The following EFHC1 variants were observed in gnomAD, a reference collection of about 807,000 sequenced individuals.
The protein encoded by EFHC1 is EF-hand domain-containing protein 1.
Under a neutral mutation model 69.9 loss-of-function variants are expected in EFHC1, and 53 were observed. The ratio of observed to expected loss-of-function variants is 0.76; its 90% CI spans 0.61 to 0.95. The LOEUF is 0.95. Ranked by LOEUF, EFHC1 falls within the 40% of genes least tolerant of loss-of-function variation. The probability of loss-of-function intolerance (pLI) is 0.00; values close to 1 mark genes in which losing one functional copy is unlikely to be tolerated. For missense variants in EFHC1, 739 were observed against 798.7 expected (o/e 0.93, Z 0.90); for synonymous variants, 256 against 278.4 (o/e 0.92, Z 0.80).
At chr6:52,465,300 A>G (rs950692672) in intron 6 of EFHC1, among the ~76,000 whole-genome samples, 185 bp downstream of exon 6, 4 of 152,206 alleles carry the variant, frequency 2.6e-5, no homozygotes, top group Non-Finnish European at 5.9e-5. Context: ...CTAACTGATA[A>G]TCAGTGAAAT....
chr6:52,459,921 G>T (rs899869508), intron 5 of EFHC1, among the ~76,000 whole-genome samples: 1 of 152,072 alleles, frequency 6.6e-6, no homozygotes, highest in Non-Finnish European at 1.5e-5. Context: ...TGATCCACCC[G>T]CCTCGGCCTC....
chr6:52,440,444 C>T (rs1222334183), intron 3 of EFHC1, among the ~76,000 whole-genome samples: 1 of 151,902 alleles, frequency 6.6e-6, no homozygotes, highest in Non-Finnish European at 1.5e-5. Flanking sequence ...AAATCACCAA[C>T]AAAAAACACA....
At chr6:52,423,902 A>G in intron 1 of EFHC1, 44 bp from the exon 2 acceptor site, 1 of 1,612,312 alleles carries the variant, frequency 6.2e-7, no homozygotes, top group Non-Finnish European at 8.5e-7. Flanking sequence ...TACCTAACAA[A>G]TATTTGTCTA....
chr6:52,434,479 G>A (rs80097780), intron 2 of EFHC1, among the ~76,000 whole-genome samples: 6,467 of 152,248 alleles, frequency 0.042, 240 homozygotes, highest in East Asian at 0.14. Flanking sequence ...TGTGTTCGGG[G>A]ACAGATGATC....
intron 3 of EFHC1, among the ~76,000 whole-genome samples, chr6:52,445,065 G>GTT (rs60349597): frequency 2.7e-4 from 38 of 139,958 alleles, no homozygotes; most frequent in African/African-American, 6.7e-4. Flanking sequence ...AGATTTTCCA[G>GTT]TTTTTTTTTT....
chr6:52,494,282 C>T lies in EFHC1; in HGVS notation c.*1941C>T. On this transcript the variant is annotated 3_prime_UTR_variant, in exon 11 of 11. Transcript: ENST00000371068. ...TTTTTTCAGCTTAAAAATTACCAAG[C>T]TCTATCCTACTTGGCCCAGCTCAGT... 1 of 454,136 alleles carries T rather than the reference C, an allele frequency of 2.2e-6. No homozygotes were observed. The highest frequency in any genetic ancestry group is 1.6e-5 in the South Asian group (1 of 64,484). The allele number at this position is 454,136 out of a possible 1,614,324, so 28.1% of individuals were successfully genotyped here.
intron 1 of EFHC1, chr6:52,421,188 T>C: frequency 2.8e-6 from 1 of 361,512 alleles, no homozygotes; most frequent in Non-Finnish European, 3.9e-6. Context: ...TTGCGGGTTT[T>C]CCCCAAAACT....
At chr6:52,460,970 A>G (rs193241814) in intron 5 of EFHC1, among the ~76,000 whole-genome samples, 4 of 152,352 alleles carry the variant, frequency 2.6e-5, no homozygotes, top group Non-Finnish European at 4.4e-5. Context: ...TAAAAGAACA[A>G]TATTGAATTT....
chr6:52,458,795 T>C (rs1765099512), intron 5 of EFHC1, among the ~76,000 whole-genome samples: 1 of 152,220 alleles, frequency 6.6e-6, no homozygotes, highest in Non-Finnish European at 1.5e-5. Context: ...ATCCAAAAGA[T>C]ACTTGTATTC....
intron 3 of EFHC1, among the ~76,000 whole-genome samples, chr6:52,442,243 T>C (rs148408805): frequency 2.8e-4 from 42 of 152,280 alleles, no homozygotes; most frequent in Non-Finnish European, 4.7e-4. Flanking sequence ...GGGTTTTTCA[T>C]AGATGGCTCT....
intron 5 of EFHC1, among the ~76,000 whole-genome samples, chr6:52,461,064 A>G (rs1581835658): frequency 6.6e-6 from 1 of 152,254 alleles, no homozygotes; most frequent in East Asian, 1.9e-4. Flanking sequence ...ATATATAACA[A>G]GTTTTGAAAA....
At chr6:52,443,315 G>T (rs1015863744) in intron 3 of EFHC1, among the ~76,000 whole-genome samples, 10 of 152,122 alleles carry the variant, frequency 6.6e-5, no homozygotes, top group African/African-American at 2.4e-4. Context: ...GTCAATTTTG[G>T]CTTTTGTTGC....
chr6:52,452,561 C>A, intron 3 of EFHC1, 127 bp from the exon 4 acceptor site: 1 of 1,090,364 alleles, frequency 9.2e-7, no homozygotes, highest in Non-Finnish European at 1.4e-6. Flanking sequence ...CTCAGCCTCC[C>A]AAAGTGCTGA....
rs1283174815 is a variant in EFHC1 at position 52,495,341 on chromosome 6, C to T, written c.*3000C>T. On this transcript the variant is annotated 3_prime_UTR_variant, in exon 11 of 11. Coordinates refer to ENST00000371068, the MANE Select transcript of EFHC1 (RefSeq NM_018100.4). ...TTAAAGTATACCCTCACTTAGCTTG[C>T]AGACCCAAGGCACTCCAGCCCCTTT... The T allele has an allele frequency of 6.6e-6, 3 of 454,154 alleles. No individual in the cohort carries two copies. The Admixed American group carries it at 7.0e-5, about 11-fold the overall frequency. 28.1% of individuals were successfully genotyped at this position (454,154 alleles called of 1,614,324 possible).
chr6:52,456,195 C>G (rs1343349762), intron 5 of EFHC1, among the ~76,000 whole-genome samples: 2 of 152,062 alleles, frequency 1.3e-5, no homozygotes, highest in Non-Finnish European at 2.9e-5. Context: ...CTTGTATTCT[C>G]AAATAGAAAC....
At chr6:52,431,686 G>A (rs1764417921) in intron 2 of EFHC1, among the ~76,000 whole-genome samples, 1 of 152,092 alleles carries the variant, frequency 6.6e-6, no homozygotes, top group Non-Finnish European at 1.5e-5. Context: ...GCGGTTGTTG[G>A]GTAGAATGTT....
intron 2 of EFHC1, among the ~76,000 whole-genome samples, chr6:52,431,740 T>G (rs373696767): frequency 3.3e-5 from 5 of 152,178 alleles, no homozygotes; most frequent in South Asian, 2.1e-4. Flanking sequence ...ATAGTTTAAA[T>G]CCATTGTTTC....
intron 5 of EFHC1, among the ~76,000 whole-genome samples, chr6:52,456,805 C>T (rs1408149804): frequency 6.6e-6 from 1 of 152,128 alleles, no homozygotes; most frequent in Non-Finnish European, 1.5e-5. Context: ...GTCCCAGCTA[C>T]TTAGGAGGCT....
chr6:52,466,992 GC>G (rs1240287439), intron 6 of EFHC1, among the ~76,000 whole-genome samples: 3 of 152,018 alleles, frequency 2.0e-5, no homozygotes, highest in African/African-American at 7.3e-5. Flanking sequence ...TAAACTCTCT[GC>G]CCCCAAGTTT....
Sources: allele counts gnomAD v4.1 joint callset (sites outside exome capture counted in the v4.1 genomes callset), GRCh38; gene constraint gnomAD v4.1.1; transcripts MANE v1.5; gene names NCBI Gene and HGNC (gene_info 2026-07-23, HGNC 2026-07-21).